AOAH: variants seen among roughly 807,000 people sequenced by gnomAD.
The protein encoded by AOAH is acyloxyacyl hydrolase, also known as acyloxyacyl hydrolase (neutrophil).
Under a neutral mutation model 92.2 loss-of-function variants are expected in AOAH, and 64 were observed. The observed-to-expected ratio is 0.69, with a 90% CI of 0.57 to 0.86. The LOEUF is 0.86. Ranked by LOEUF, AOAH falls within the 40% of genes least tolerant of loss-of-function variation. The pLI is 0.00. For missense variants in AOAH, 656 were observed against 694.6 expected (o/e 0.94, Z 0.62); for synonymous variants, 263 against 254.5 (o/e 1.03, Z -0.32).
At chr7:36,671,711 T>C (rs1401126865) in intron 3 of AOAH, among the ~76,000 whole-genome samples, 2 of 151,846 alleles carry the variant, frequency 1.3e-5, no homozygotes, top group Non-Finnish European at 2.9e-5. Context: ...ATAAGATTTG[T>C]TTGGGGTAGA....
intron 15 of AOAH, among the ~76,000 whole-genome samples, chr7:36,542,444 T>C (rs1193542749): frequency 6.6e-6 from 1 of 152,072 alleles, no homozygotes; most frequent in East Asian, 1.9e-4. Context: ...ATAAAATAAG[T>C]CCATCACTCA....
chr7:36,653,096 A>C (rs1189249862), intron 4 of AOAH, among the ~76,000 whole-genome samples: 1 of 152,214 alleles, frequency 6.6e-6, no homozygotes, highest in Non-Finnish European at 1.5e-5. Flanking sequence ...ATAAATCTGA[A>C]ATTATTACCA....
At chr7:36,627,037 A>G (rs1792712805) in intron 6 of AOAH, among the ~76,000 whole-genome samples, 1 of 152,228 alleles carries the variant, frequency 6.6e-6, no homozygotes, top group Admixed American at 6.5e-5. Context: ...TGAAATGTTC[A>G]TTCATTCATT....
rs927879417 is a variant in AOAH, at chr7:36,637,896, A to T, written c.405T>A (p.Phe135Leu). 1.2e-6 allele frequency: 2 copies of T among 1,613,782 alleles called. No homozygotes were observed. The highest frequency in any genetic ancestry group is 8.5e-7 in the Non-Finnish European group (1 of 1,179,658). ...LYPLPKETWKFTLQKARQIVK... is the reference protein window; with the variant it reads ...LYPLPKETWKLTLQKARQIVK... ...CAATTTGTCTTGCCTTCTGTAGTGT[A>T]AATTTCCATGTCTCCTATAAAAACA... Residue 135 changes from phenylalanine (F) to leucine (L), a missense_variant, in exon 5 of 21, where the codon TTT (phenylalanine) becomes TTA (leucine). Physicochemically the swap from Phe to Leu is conservative, Grantham distance 22. Transcript: ENST00000617537.
chr7:36,541,434 G>A (rs1016317805), intron 15 of AOAH, among the ~76,000 whole-genome samples: 74 of 152,298 alleles, frequency 4.9e-4, no homozygotes, highest in African/African-American at 1.6e-3. Context: ...TGAAAGTGAC[G>A]AATCTTTACC....
intron 6 of AOAH, among the ~76,000 whole-genome samples, chr7:36,629,981 A>G (rs920402548): frequency 1.3e-5 from 2 of 152,224 alleles, no homozygotes; most frequent in Non-Finnish European, 2.9e-5. Flanking sequence ...CCCTCATCCA[A>G]TATGAGTGGT....
At chr7:36,720,838 G>A (rs1799582504) in intron 1 of AOAH, among the ~76,000 whole-genome samples, 1 of 151,772 alleles carries the variant, frequency 6.6e-6, no homozygotes, top group Non-Finnish European at 1.5e-5. Context: ...CTGAGTGCGC[G>A]GAAATGTTTG....
At chr7:36,611,435 C>T (rs551210176) in intron 11 of AOAH, among the ~76,000 whole-genome samples, 1 of 152,112 alleles carries the variant, frequency 6.6e-6, no homozygotes, top group Non-Finnish European at 1.5e-5. Flanking sequence ...AAATGCTGTT[C>T]GACAGCACTT....
At chr7:36,595,387 G>T (rs1185204696) in intron 11 of AOAH, among the ~76,000 whole-genome samples, 1 of 152,094 alleles carries the variant, frequency 6.6e-6, no homozygotes, top group Non-Finnish European at 1.5e-5. Context: ...TAACAAATTT[G>T]CTAGGTATGA....
At position 36,667,351 on chromosome 7, in the gene AOAH, C is replaced by G. The variant is rs74767288; in HGVS notation, c.290+6592G>C. Among the ~76,000 whole-genome samples the G allele has an allele frequency of 2.2e-3, 335 of 152,292 alleles. 12 individuals carry two copies. In the East Asian group the frequency reaches 0.057, roughly 26 times the overall value. On this transcript the variant is annotated intron_variant, in intron 3 of 20. Coordinates refer to ENST00000617537, the MANE Select transcript of AOAH (RefSeq NM_001637.4). ...TATCTACTTGTCAGTCACTCAGTAGCCTTCTCAGTTACCGGATTGATTGTC... is the reference window on the plus strand; with the variant it reads ...TATCTACTTGTCAGTCACTCAGTAGGCTTCTCAGTTACCGGATTGATTGTC...
At chr7:36,604,901 T>A (rs914362612) in intron 11 of AOAH, among the ~76,000 whole-genome samples, 2 of 152,258 alleles carry the variant, frequency 1.3e-5, no homozygotes, top group Non-Finnish European at 2.9e-5. Flanking sequence ...CATGAGACCA[T>A]GACCTCTTTG....
intron 1 of AOAH, among the ~76,000 whole-genome samples, chr7:36,722,202 C>G (rs1408380705): frequency 1.3e-5 from 2 of 152,126 alleles, no homozygotes; most frequent in Non-Finnish European, 2.9e-5. Flanking sequence ...CATAATACAA[C>G]AAATGGTTAT....
chr7:36,595,834 C>T (rs1366060812), intron 11 of AOAH, among the ~76,000 whole-genome samples: 2 of 152,214 alleles, frequency 1.3e-5, no homozygotes, highest in Admixed American at 6.5e-5. Flanking sequence ...TATTGAAAAT[C>T]CGTGCTCCCT....
At position 36,513,359 on chromosome 7, in the gene AOAH, C is replaced by G. The variant is rs1583695068; in HGVS notation, c.1621G>C (p.Asp541His). 3.1e-6 allele frequency: 5 copies of G among 1,614,048 alleles called. No homozygotes were observed. Among genetic ancestry groups the G allele is most frequent in the Non-Finnish European group, 4.2e-6 (5 of 1,179,920 alleles). ...PNEVALLLLA[D>H]HFWKKVQLQW... Reference sequence around the variant, plus strand: ...AGCTGCACCTTTTTCCAGAAATGATCCGCCAACAACAGCAAAGCCACCTGT... The same window carrying G: ...AGCTGCACCTTTTTCCAGAAATGATGCGCCAACAACAGCAAAGCCACCTGT... The change falls in exon 21 of 21, where the codon GAT becomes CAT. Residue 541 changes from aspartate (D) to histidine (H), a missense_variant. Asp to His is a moderately conservative substitution (Grantham distance 81). Coordinates refer to ENST00000617537, the MANE Select transcript of AOAH (RefSeq NM_001637.4).
intron 19 of AOAH, among the ~76,000 whole-genome samples, chr7:36,527,007 G>T (rs1408913507): frequency 1.3e-5 from 2 of 152,218 alleles, no homozygotes; most frequent in African/African-American, 4.8e-5. Context: ...GGCTTTGTCA[G>T]CCAAGTGGCA....
intron 1 of AOAH, among the ~76,000 whole-genome samples, chr7:36,692,455 T>C (rs1584129822): frequency 3.4e-5 from 1 of 29,452 alleles, no homozygotes; most frequent in Non-Finnish European, 7.5e-5. Context: ...ACTTGAAACA[T>C]TTTTTTTTTA....
chr7:36,564,799 T>G (rs1440677895), intron 13 of AOAH, among the ~76,000 whole-genome samples: 1 of 152,236 alleles, frequency 6.6e-6, no homozygotes, highest in Non-Finnish European at 1.5e-5. Flanking sequence ...GCGCACACTC[T>G]TCACATTACA....
At chr7:36,723,106 T>C (rs1051467048) in intron 1 of AOAH, among the ~76,000 whole-genome samples, 2 of 152,108 alleles carry the variant, frequency 1.3e-5, no homozygotes, top group African/African-American at 4.8e-5. Flanking sequence ...AGATTTTCCA[T>C]TTGCAGCATG....
rs753087173 is a variant in AOAH at position 36,548,676 on chromosome 7, T to A, written c.1069A>T (p.Asn357Tyr). 1.6e-5 allele frequency: 26 copies of A among 1,613,354 alleles called. No homozygotes were observed. In the African/African-American group the frequency reaches 3.5e-4, roughly 22 times the overall value. ...LKKFIESLSR[N>Y]KVLDYPAIVI... is the part of the protein sequence containing the mutation. ...ATGGCGGGATAGTCCAACACCTTGT[T>A]TCTAGACAAGCTGAGAAGGCATAGA... is the stretch of plus-strand genomic sequence containing the variant. The change falls in exon 15 of 21, where the codon AAC (asparagine) becomes TAC (tyrosine). Residue 357 changes from asparagine to tyrosine, a missense_variant. Transcript: ENST00000617537.
Sources: allele counts gnomAD v4.1 joint callset (sites outside exome capture counted in the v4.1 genomes callset), GRCh38; gene constraint gnomAD v4.1.1; transcripts MANE v1.5; gene names NCBI Gene and HGNC (gene_info 2026-07-23, HGNC 2026-07-21).